Variants in MIF observed in about 807,000 individuals in gnomAD.
MIF encodes L-dopachrome isomerase.
Under a neutral mutation model 11.3 loss-of-function variants are expected in MIF, and 16 were observed. The ratio of observed to expected loss-of-function variants is 1.42; its 90% CI spans 0.96 to 2.16. MIF has a LOEUF of 2.16. Among genes scored for constraint, MIF ranks in the 30% most tolerant of loss-of-function variants. The pLI, the probability that MIF is intolerant of heterozygous loss-of-function variation, is 0.00. For missense variants in MIF, 229 were observed against 165.3 expected, an observed-to-expected ratio of 1.39 and a Z score of -2.11; for synonymous variants, 83 against 74.2, an observed-to-expected ratio of 1.12 and a Z score of -0.61.
chr22:23,894,868 G>A lies in MIF; in HGVS notation c.205G>A (p.Gly69Ser). 4 of 1,553,478 alleles carry A rather than the reference G, an allele frequency of 2.6e-6. No homozygotes were observed. Among genetic ancestry groups the A allele is most frequent in the Non-Finnish European group, 3.5e-6 (4 of 1,152,470 alleles). Residue 69 changes from glycine to serine, a missense_variant, in exon 2 of 3, where the codon GGC (glycine) becomes AGC (serine). Coordinates refer to ENST00000215754, the MANE Select transcript of MIF (RefSeq NM_002415.2). ...CAGCCTGCACAGCATCGGCAAGATCGGCGGCGCGCAGAACCGCTCCTACAG... is the reference window on the plus strand; with the variant it reads ...CAGCCTGCACAGCATCGGCAAGATCAGCGGCGCGCAGAACCGCTCCTACAG... ...LCSLHSIGKIGGAQNRSYSKL... is the reference protein window; with the variant it reads ...LCSLHSIGKISGAQNRSYSKL...
Position 23,895,202 on chromosome 22 carries a change from G to A in MIF, c.*96G>A, listed in dbSNP as rs1323150383. 4 of 1,303,420 alleles carry A rather than the reference G, an allele frequency of 3.1e-6. No homozygotes were observed. The highest frequency in any genetic ancestry group is 1.5e-5 in the African/African-American group (1 of 68,022). The allele number at this position is 1,303,420 out of a possible 1,614,324, so 80.7% of individuals were successfully genotyped here. ...GCCCACCCCAACCTTCTGGTGGGGA[G>A]AAATAAACGGTTTAGAGACTAGGAG... is the stretch of plus-strand genomic sequence containing the variant. On this transcript the variant is annotated 3_prime_UTR_variant, in exon 3 of 3. Coordinates refer to ENST00000215754, the MANE Select transcript of MIF (RefSeq NM_002415.2).
intron 1 of MIF, 52 bp downstream of exon 1, chr22:23,894,634 C>T (rs1252814068): frequency 1.9e-5 from 29 of 1,516,258 alleles, no homozygotes; most frequent in Non-Finnish European, 2.5e-5. Context: ...CGAGGGGTTC[C>T]GCGCTGGGAG....
In MIF at chr22:23,895,173, G is replaced by C. The variant is rs201740473; in HGVS notation, c.*67G>C. The C allele has an allele frequency of 1.4e-4, 205 of 1,472,956 alleles. No individual in the cohort carries two copies. Among genetic ancestry groups the C allele is most frequent in the Middle Eastern group, 1.2e-3 (7 of 5,842 alleles). The allele number at this position is 1,472,956 out of a possible 1,614,324, so 91.2% of individuals were successfully genotyped here. On this transcript the variant is annotated 3_prime_UTR_variant, in exon 3 of 3. Coordinates refer to ENST00000215754, the MANE Select transcript of MIF (RefSeq NM_002415.2). ...GAACCCGCCGCACGCTGTGTTCTAG[G>C]CCCGCCCACCCCAACCTTCTGGTGG...
At chr22:23,894,724 G>A in intron 1 of MIF, 48 bp from the exon 2 acceptor site, 1 of 1,485,712 alleles carries the variant, frequency 6.7e-7, no homozygotes, top group Non-Finnish European at 8.9e-7. Flanking sequence ...GGACGTTCGG[G>A]GCCCGACGAG....
Position 23,894,485 on chromosome 22 carries a change from T to A in MIF, c.11T>A (p.Phe4Tyr), listed in dbSNP as rs754533270. 3 of 1,613,080 alleles carry A rather than the reference T, an allele frequency of 1.9e-6. No homozygotes were observed. The South Asian group carries it at 3.3e-5, about 18-fold the overall frequency. ...GGTCCTTCTGCCATCATGCCGATGT[T>A]CATCGTAAACACCAACGTGCCCCGC... is the stretch of plus-strand genomic sequence containing the variant. MPM[F>Y]IVNTNVPRAS... The change falls in exon 1 of 3, where the codon TTC becomes TAC. Residue 4 changes from phenylalanine (F) to tyrosine (Y), a missense_variant. By Grantham distance (22) the Phe-to-Tyr change is conservative. Transcript: ENST00000215754.
In MIF at chr22:23,894,501, C is replaced by A; in HGVS notation, c.27C>A (p.Asn9Lys). The stretch of plus-strand genomic sequence containing the variant: ...TGCCGATGTTCATCGTAAACACCAA[C>A]GTGCCCCGCGCCTCCGTGCCGGACG... MPMFIVNT[N>K]VPRASVPDGF... The change falls in exon 1 of 3, where the codon AAC (asparagine) becomes AAA (lysine). Residue 9 changes from asparagine to lysine, a missense_variant. Coordinates refer to ENST00000215754, the MANE Select transcript of MIF (RefSeq NM_002415.2). 6.2e-7 allele frequency: 1 copy of A among 1,613,206 alleles called. No individual in the cohort carries two copies. Among genetic ancestry groups the A allele is most frequent in the East Asian group, 2.2e-5 (1 of 44,870 alleles).
Position 23,895,119 on chromosome 22 carries a change from CCCACGCTGT to C in MIF, c.*15_*23del. The stretch of plus-strand genomic sequence containing the variant: ...CACCTTCGCCTAAGAGCCGCAGGGA[CCCACGCTGT>C]CTGCGCTGGCTCCACCCGGGAACCC... On this transcript the variant is annotated 3_prime_UTR_variant, in exon 3 of 3. Transcript: ENST00000215754. 1 of 1,552,664 alleles carries C rather than the reference CCCACGCTGT, an allele frequency of 6.4e-7. No homozygotes were observed.
Position 23,894,458 on chromosome 22 carries a change from C to T in MIF, c.-17C>T, listed in dbSNP as rs200428013. 3.7e-6 allele frequency: 6 copies of T among 1,608,136 alleles called. No individual in the cohort carries two copies. Among genetic ancestry groups the T allele is most frequent in the South Asian group, 1.1e-5 (1 of 90,982 alleles). On this transcript the variant is annotated 5_prime_UTR_variant, in exon 1 of 3. Transcript: ENST00000215754. ...GCGTCTGTGCCTCTGCGCGGGTCTCCTGGTCCTTCTGCCATCATGCCGATG... is the reference window on the plus strand; with the variant it reads ...GCGTCTGTGCCTCTGCGCGGGTCTCTTGGTCCTTCTGCCATCATGCCGATG...
Position 23,895,058 on chromosome 22 carries a change from C to A in MIF, c.300C>A (p.Tyr100Ter), listed in dbSNP as rs1458486390. The change falls in exon 3 of 3, where the codon TAC becomes TAA. Residue 100 changes from tyrosine (Y) to a stop codon, truncating the protein, a stop_gained. Coordinates refer to ENST00000215754, the MANE Select transcript of MIF (RefSeq NM_002415.2). LOFTEE classifies it high-confidence loss of function. ...CCCGCAGGGTCTACATCAACTATTA[C>A]GACATGAACGCGGCCAATGTGGGCT... Reference protein sequence around the residue: ...ISPDRVYINYYDMNAANVGWN... With the variant: ...ISPDRVYINY 1.9e-6 allele frequency: 3 copies of A among 1,557,632 alleles called. No homozygotes were observed. The highest frequency in any genetic ancestry group is 2.6e-6 in the Non-Finnish European group (3 of 1,150,218).
In MIF at chr22:23,894,890, A is replaced by G. The variant is rs1372340180; in HGVS notation, c.227A>G (p.Tyr76Cys). Residue 76 changes from tyrosine (Y) to cysteine (C), a missense_variant, in exon 2 of 3, where the codon TAC becomes TGC. Physicochemically the swap from Tyr to Cys is radical, Grantham distance 194 (BLOSUM62 -2). Coordinates refer to ENST00000215754, the MANE Select transcript of MIF (RefSeq NM_002415.2). The part of the protein sequence containing the change: ...GKIGGAQNRS[Y>C]SKLLCGLLAE... Reference sequence around the variant, plus strand: ...ATCGGCGGCGCGCAGAACCGCTCCTACAGCAAGCTGCTGTGCGGCCTGCTG... The same window carrying G: ...ATCGGCGGCGCGCAGAACCGCTCCTGCAGCAAGCTGCTGTGCGGCCTGCTG... 3 of 1,553,948 alleles carry G rather than the reference A, an allele frequency of 1.9e-6. No homozygotes were observed. Among genetic ancestry groups the G allele is most frequent in the East Asian group, 2.4e-5 (1 of 41,378 alleles).
chr22:23,894,799 C>G lies in MIF; in HGVS notation c.136C>G (p.Gln46Glu). ...CATCGCGGTGCACGTGGTCCCGGAC[C>G]AGCTCATGGCCTTCGGCGGCTCCAG... ...QYIAVHVVPD[Q>E]LMAFGGSSEP... Residue 46 changes from glutamine to glutamate, a missense_variant, in exon 2 of 3, where the codon CAG (glutamine) becomes GAG (glutamate). By Grantham distance (29) the Gln-to-Glu change is conservative. Transcript: ENST00000215754. The G allele has an allele frequency of 6.4e-7, 1 of 1,553,084 alleles. No homozygotes were observed. Among genetic ancestry groups the G allele is most frequent in the Non-Finnish European group, 8.7e-7 (1 of 1,153,752 alleles).
Position 23,894,508 on chromosome 22 carries a change from C to T in MIF, c.34C>T (p.Arg12Cys), listed in dbSNP as rs748071324. 2 of 1,613,138 alleles carry T rather than the reference C, an allele frequency of 1.2e-6. No individual in the cohort carries two copies. The highest frequency in any genetic ancestry group is 1.7e-6 in the Non-Finnish European group (2 of 1,179,830). ...GTTCATCGTAAACACCAACGTGCCC[C>T]GCGCCTCCGTGCCGGACGGGTTCCT... is the stretch of plus-strand genomic sequence containing the variant. ...PMFIVNTNVP[R>C]ASVPDGFLSE... is the part of the protein sequence containing the mutation. Residue 12 changes from arginine to cysteine, a missense_variant, in exon 1 of 3, where the codon CGC becomes TGC. Transcript: ENST00000215754.
At chr22:23,894,978 G>C (rs1161893618) in intron 2 of MIF, 34 bp downstream of exon 2, 2 of 1,544,034 alleles carry the variant, frequency 1.3e-6, no homozygotes, top group Admixed American at 4.0e-5. Context: ...GGGGAGGGGC[G>C]GCGGCGCGCG....
chr22:23,895,045 A>C lies in MIF; in HGVS notation c.287A>C (p.Tyr96Ser). 1 of 1,554,614 alleles carries C rather than the reference A, an allele frequency of 6.4e-7. No homozygotes were observed. ...ERLRISPDRVYINYYDMNAAN... is the reference protein window; with the variant it reads ...ERLRISPDRVSINYYDMNAAN... ...CCGGCCTCCTCCCCCCGCAGGGTCT[A>C]CATCAACTATTACGACATGAACGCG... is the stretch of plus-strand genomic sequence containing the variant. Residue 96 changes from tyrosine (Y) to serine (S), a missense_variant, in exon 3 of 3, where the codon TAC (tyrosine) becomes TCC (serine). By Grantham distance (144) the Tyr-to-Ser change is moderately radical. Coordinates refer to ENST00000215754, the MANE Select transcript of MIF (RefSeq NM_002415.2).
Position 23,894,545 on chromosome 22 carries a change from C to T in MIF, c.71C>T (p.Thr24Ile). 2 of 1,613,126 alleles carry T rather than the reference C, an allele frequency of 1.2e-6. No homozygotes were observed. Among genetic ancestry groups the T allele is most frequent in the Middle Eastern group, 1.6e-4 (1 of 6,062 alleles). The change falls in exon 1 of 3, where the codon ACC becomes ATC. Residue 24 changes from threonine to isoleucine, a missense_variant. Coordinates refer to ENST00000215754, the MANE Select transcript of MIF (RefSeq NM_002415.2). ...CCGGACGGGTTCCTCTCCGAGCTCA[C>T]CCAGCAGCTGGCGCAGGCCACCGGC... The part of the protein sequence containing the change: ...SVPDGFLSEL[T>I]QQLAQATGKP...
chr22:23,894,702 C>G (rs1470736265), intron 1 of MIF, 70 bp from the exon 2 acceptor site: 5 of 1,474,406 alleles, frequency 3.4e-6, no homozygotes, highest in Non-Finnish European at 4.5e-6. Flanking sequence ...GACGGTGGCT[C>G]GGGCCCGAAG....
At position 23,894,770 on chromosome 22, in the gene MIF, A is replaced by C; in HGVS notation, c.109-2A>C. ...CGGGCTGACCGCGCCCTTTCCTCGCAGTACATCGCGGTGCACGTGGTCCCG... is the reference window on the plus strand; with the variant it reads ...CGGGCTGACCGCGCCCTTTCCTCGCCGTACATCGCGGTGCACGTGGTCCCG... On this transcript the variant is annotated splice_acceptor_variant, in intron 1 of 2. Coordinates refer to ENST00000215754, the MANE Select transcript of MIF (RefSeq NM_002415.2). LOFTEE classifies it high-confidence loss of function. The C allele has an allele frequency of 6.5e-7, 1 of 1,529,160 alleles. No homozygotes were observed. The highest frequency in any genetic ancestry group is 8.8e-7 in the Non-Finnish European group (1 of 1,140,326). 94.7% of individuals were successfully genotyped at this position (1,529,160 alleles called of 1,614,324 possible).
Position 23,894,849 on chromosome 22 carries a change from G to T in MIF, c.186G>T (p.Leu62=). 1 of 1,557,154 alleles carries T rather than the reference G, an allele frequency of 6.4e-7. No homozygotes were observed. Among genetic ancestry groups the T allele is most frequent in the Non-Finnish European group, 8.7e-7 (1 of 1,155,576 alleles). Residue 62 remains leucine, a synonymous_variant, in exon 2 of 3, where the codon CTG becomes CTT. Transcript: ENST00000215754. ...GSSEPCALCS[L]HSIGKIGGAQ... ...GCGAGCCGTGCGCGCTCTGCAGCCT[G>T]CACAGCATCGGCAAGATCGGCGGCG...
Position 23,894,423 on chromosome 22 carries a change from C to G in MIF, c.-52C>G. 1 of 1,462,740 alleles carries G rather than the reference C, an allele frequency of 6.8e-7. No homozygotes were observed. The highest frequency in any genetic ancestry group is 9.6e-7 in the Non-Finnish European group (1 of 1,046,018). The allele number at this position is 1,462,740 out of a possible 1,614,324, so 90.6% of individuals were successfully genotyped here. ...GTCAGGCACGTAGCTCAGCGGCGGC[C>G]GCGGCGCGTGCGTCTGTGCCTCTGC... On this transcript the variant is annotated 5_prime_UTR_variant, in exon 1 of 3. Coordinates refer to ENST00000215754, the MANE Select transcript of MIF (RefSeq NM_002415.2).
Sources: gnomAD v4.1 joint callset for allele counts on GRCh38, gnomAD v4.1.1 for gene constraint, MANE v1.5 for transcripts, NCBI Gene and HGNC (gene_info 2026-07-23, HGNC 2026-07-21) for gene names.